The following CCBE1 variants were observed in gnomAD, a reference collection of about 807,000 sequenced individuals.
The protein encoded by CCBE1 is collagen and calcium binding EGF domains 1, also known as collagen and calcium-binding EGF domain-containing protein 1.
A neutral mutation model predicts 50.0 loss-of-function variants in CCBE1; 37 were observed. That is an observed-to-expected ratio of 0.74 (90% CI 0.57 to 0.97). The LOEUF (loss-of-function observed/expected upper bound fraction) is 0.97. CCBE1 is among the 50% of genes least tolerant of loss of function. CCBE1 has a pLI of 0.00. For missense variants in CCBE1, 538 were observed against 523.8 expected (o/e 1.03, Z -0.26); for synonymous variants, 234 against 203.7 (o/e 1.15, Z -1.27).
In CCBE1 at chr18:59,543,847, A is replaced by AAAAAAAAAAAAAAAG. The variant is rs1915576051; in HGVS notation, c.213-63610_213-63609insCTTTTTTTTTTTTTT. On this transcript the variant is annotated intron_variant, in intron 2 of 10. Transcript: ENST00000439986. ...GAGACTCCGTCTCAAAAAAAAAAAA[A>AAAAAAAAAAAAAAAG]AAAAAAAAAAACAGAAAACACTAAT... 3.3e-4 allele frequency among the ~76,000 whole-genome samples: 26 copies of AAAAAAAAAAAAAAAG among 78,592 alleles called. No homozygotes were observed. In the East Asian group the frequency reaches 3.4e-3, roughly 10 times the overall value. The allele number at this position is 78,592 out of a possible 152,430, so 51.6% of individuals were successfully genotyped here. A position where few individuals can be genotyped will look rare whatever the true frequency, so the allele number is the denominator to read the frequency against.
chr18:59,528,691 T>C (rs1183589996), intron 2 of CCBE1, among the ~76,000 whole-genome samples: 2 of 152,172 alleles, frequency 1.3e-5, no homozygotes, highest in African/African-American at 4.8e-5. Context: ...TTGCTGTTTG[T>C]TTTTAACAGT....
At chr18:59,520,233 G>A (rs1175091328) in intron 2 of CCBE1, among the ~76,000 whole-genome samples, 2 of 152,100 alleles carry the variant, frequency 1.3e-5, no homozygotes, top group African/African-American at 4.8e-5. Flanking sequence ...AGCTTGGTAG[G>A]GATAGCATTG....
intron 5 of CCBE1, chr18:59,458,976 AG>A (rs1911336372): frequency 6.6e-6 from 1 of 152,230 alleles, no homozygotes; most frequent in Non-Finnish European, 1.5e-5. Flanking sequence ...GCTGCTAACT[AG>A]TACCTTTTAA....
intron 2 of CCBE1, among the ~76,000 whole-genome samples, chr18:59,691,586 A>C (rs572977671): frequency 6.6e-6 from 1 of 152,162 alleles, no homozygotes; most frequent in South Asian, 2.1e-4. Context: ...TTGTACTTTT[A>C]GTAGAGACGG....
chr18:59,619,429 C>T (rs1418611666), intron 2 of CCBE1, among the ~76,000 whole-genome samples: 1 of 152,236 alleles, frequency 6.6e-6, no homozygotes, highest in Non-Finnish European at 1.5e-5. Context: ...AGCAGTTGTC[C>T]TGCCTCAGCC....
chr18:59,548,516 C>T (rs78558629), intron 2 of CCBE1, among the ~76,000 whole-genome samples: 5,513 of 152,128 alleles, frequency 0.036, 145 homozygotes, highest in African/African-American at 0.074. Context: ...TCTGACAAGA[C>T]GCAATCATAT....
At chr18:59,565,272 T>C (rs2052804496) in intron 2 of CCBE1, among the ~76,000 whole-genome samples, 1 of 101,462 alleles carries the variant, frequency 9.9e-6, no homozygotes, top group Non-Finnish European at 1.9e-5. Context: ...AGATGAAGGC[T>C]GTCAGAGTTC....
At chr18:59,573,276 CTCCGTCTA>C (rs1460181384) in intron 2 of CCBE1, among the ~76,000 whole-genome samples, 8,743 of 76,488 alleles carry the variant, frequency 0.11, 991 homozygotes, top group African/African-American at 0.31. Flanking sequence ...TATAGTGAGA[CTCCGTCTA>C]ATATATATAT....
chr18:59,605,591 C>A (rs2053487325), intron 2 of CCBE1, among the ~76,000 whole-genome samples: 1 of 152,146 alleles, frequency 6.6e-6, no homozygotes, highest in South Asian at 2.1e-4. Flanking sequence ...CTCTCATATG[C>A]TAAAGCTTTG....
At chr18:59,668,930 T>C (rs1398008394) in intron 2 of CCBE1, among the ~76,000 whole-genome samples, 1 of 145,786 alleles carries the variant, frequency 6.9e-6, no homozygotes, top group African/African-American at 2.6e-5. Context: ...ATTCAAGCAA[T>C]TCTCCCACCT....
At chr18:59,529,911 T>C (rs552210415) in intron 2 of CCBE1, among the ~76,000 whole-genome samples, 13 of 152,194 alleles carry the variant, frequency 8.5e-5, no homozygotes, top group Non-Finnish European at 1.8e-4. Context: ...CTTGAATGCA[T>C]AGGGTCTTGT....
At chr18:59,533,698 G>C (rs1044729424) in intron 2 of CCBE1, among the ~76,000 whole-genome samples, 1 of 152,060 alleles carries the variant, frequency 6.6e-6, no homozygotes, top group South Asian at 2.1e-4. Flanking sequence ...AGACCTTCAT[G>C]AGCACCCCAA....
At chr18:59,483,506 C>G (rs187347870) in intron 2 of CCBE1, among the ~76,000 whole-genome samples, 1 of 152,282 alleles carries the variant, frequency 6.6e-6, no homozygotes, top group Admixed American at 6.5e-5. Context: ...TTGGTCAAAT[C>G]AATTTGCTGC....
intron 2 of CCBE1, among the ~76,000 whole-genome samples, chr18:59,500,735 C>T (rs541255423): frequency 9.9e-5 from 15 of 152,188 alleles, no homozygotes; most frequent in Non-Finnish European, 1.9e-4. Context: ...TTGTAACCAT[C>T]GTGGCCTTCA....
intron 2 of CCBE1, among the ~76,000 whole-genome samples, chr18:59,667,532 T>C (rs1025062209): frequency 6.6e-6 from 1 of 151,920 alleles, no homozygotes; most frequent in African/African-American, 2.4e-5. Context: ...AGGAAGGCAA[T>C]GAGATGTGAG....
intron 2 of CCBE1, among the ~76,000 whole-genome samples, chr18:59,601,016 T>TG (rs1481779702): frequency 6.4e-5 from 3 of 46,916 alleles, no homozygotes; most frequent in African/African-American, 2.9e-4. Flanking sequence ...GTCAGTTTTT[T>TG]TTTTTTTTTT....
chr18:59,627,757 A>C (rs1253707238), intron 2 of CCBE1, among the ~76,000 whole-genome samples: 2 of 152,206 alleles, frequency 1.3e-5, no homozygotes, highest in Non-Finnish European at 2.9e-5. Flanking sequence ...CCTTCAGAGG[A>C]AACTTGGCCC....
At chr18:59,690,331 T>A (rs920455840) in intron 2 of CCBE1, among the ~76,000 whole-genome samples, 6 of 152,202 alleles carry the variant, frequency 3.9e-5, no homozygotes, top group Non-Finnish European at 8.8e-5. Context: ...ACTGCAGATG[T>A]TATAGCTGTT....
chr18:59,676,610 G>A (rs2054506825), intron 2 of CCBE1, among the ~76,000 whole-genome samples: 2 of 152,044 alleles, frequency 1.3e-5, no homozygotes, highest in African/African-American at 4.8e-5. Context: ...GCAACATCAG[G>A]AACCGTACTG....
Sources: allele counts gnomAD v4.1 joint callset (sites outside exome capture counted in the v4.1 genomes callset), GRCh38; gene constraint gnomAD v4.1.1; transcripts MANE v1.5; gene names NCBI Gene and HGNC (gene_info 2026-07-23, HGNC 2026-07-21).